Variants in CDH12 observed in about 807,000 individuals in gnomAD.
CDH12 encodes cadherin 12, also known as cadherin-12.
Under a neutral mutation model 74.1 loss-of-function variants are expected in CDH12, and 41 were observed. The ratio of observed to expected loss-of-function variants is 0.55; its 90% CI spans 0.43 to 0.72. The LOEUF (loss-of-function observed/expected upper bound fraction) is 0.72. Ranked by LOEUF, CDH12 falls within the 30% of genes least tolerant of loss-of-function variation. CDH12 has a pLI of 0.00. For missense variants in CDH12, 945 were observed against 977.2 expected, an observed-to-expected ratio of 0.97 and a Z score of 0.44; for synonymous variants, 399 against 355.0, an observed-to-expected ratio of 1.12 and a Z score of -1.39.
chr5:22,113,923 A>C (rs992098256), intron 4 of CDH12, among the ~76,000 whole-genome samples: 6 of 152,146 alleles, frequency 3.9e-5, no homozygotes, highest in African/African-American at 1.4e-4. Context: ...GACTTCAGCC[A>C]ATCAGAAGCA....
At chr5:22,053,448 C>G (rs1288092551) in intron 5 of CDH12, among the ~76,000 whole-genome samples, 1 of 151,994 alleles carries the variant, frequency 6.6e-6, no homozygotes, top group Non-Finnish European at 1.5e-5. Context: ...GCTTTATGTG[C>G]CAGGAAGCAT....
chr5:22,652,342 C>T (rs1358370034), intron 1 of CDH12, among the ~76,000 whole-genome samples: 2 of 152,048 alleles, frequency 1.3e-5, no homozygotes, highest in Admixed American at 6.6e-5. Flanking sequence ...TAAAAAGGAG[C>T]CTTGTTCTTG....
intron 11 of CDH12, among the ~76,000 whole-genome samples, chr5:21,782,104 C>T (rs1745948662): frequency 6.6e-6 from 1 of 152,076 alleles, no homozygotes; most frequent in Non-Finnish European, 1.5e-5. Flanking sequence ...ACTAGAAGCT[C>T]AAAGACAGCA....
At chr5:21,864,414 A>G (rs942873644) in intron 6 of CDH12, among the ~76,000 whole-genome samples, 1 of 152,112 alleles carries the variant, frequency 6.6e-6, no homozygotes, top group African/African-American at 2.4e-5. Context: ...AAAAAGATGG[A>G]AGAAAAGCTA....
chr5:22,747,460 CAAAA>C (rs773289338), intron 1 of CDH12, among the ~76,000 whole-genome samples: 1 of 60,514 alleles, frequency 1.7e-5, no homozygotes, highest in Non-Finnish European at 3.7e-5. Context: ...CCTGTCTGTA[CAAAA>C]AAAAAAAAAA....
intron 6 of CDH12, among the ~76,000 whole-genome samples, chr5:21,909,469 T>C (rs1480170546): frequency 6.6e-6 from 1 of 152,118 alleles, no homozygotes; most frequent in East Asian, 1.9e-4. Flanking sequence ...TGTTCATTAG[T>C]GAGAAATGTA....
intron 3 of CDH12, among the ~76,000 whole-genome samples, chr5:22,295,199 C>G (rs1212547886): frequency 1.3e-5 from 2 of 152,108 alleles, no homozygotes; most frequent in Non-Finnish European, 2.9e-5. Context: ...TTTACTTCAT[C>G]TGGTGCAACT....
intron 1 of CDH12, among the ~76,000 whole-genome samples, chr5:22,562,963 T>G (rs994493450): frequency 2.0e-5 from 3 of 147,802 alleles, no homozygotes; most frequent in South Asian, 2.1e-4. Flanking sequence ...TTTTATATAA[T>G]GCATGTTTAT....
chr5:22,191,563 TTTA>T (rs1225070192), intron 4 of CDH12, among the ~76,000 whole-genome samples: 9,411 of 32,660 alleles, frequency 0.29, 1,368 homozygotes, highest in South Asian at 0.58. Context: ...TCTTTTTATT[TTTA>T]TTTTTTTTTT....
At chr5:22,222,524 C>G (rs969228487) in intron 3 of CDH12, among the ~76,000 whole-genome samples, 1 of 151,816 alleles carries the variant, frequency 6.6e-6, no homozygotes, top group African/African-American at 2.4e-5. Flanking sequence ...CTCTTTTTCA[C>G]TTAAAGAATG....
intron 6 of CDH12, among the ~76,000 whole-genome samples, chr5:21,891,977 C>T (rs893534429): frequency 1.3e-5 from 2 of 152,118 alleles, no homozygotes; most frequent in African/African-American, 4.8e-5. Context: ...TCTCCTGAAC[C>T]TGTTCCAATA....
At chr5:22,453,278 G>A (rs1745126986) in intron 2 of CDH12, among the ~76,000 whole-genome samples, 1 of 152,068 alleles carries the variant, frequency 6.6e-6, no homozygotes, top group African/African-American at 2.4e-5. Flanking sequence ...AGAAATGTTT[G>A]TAGTCCTGTA....
At chr5:22,514,240 A>T (rs1279199105) in intron 1 of CDH12, among the ~76,000 whole-genome samples, 1 of 152,110 alleles carries the variant, frequency 6.6e-6, no homozygotes, top group Non-Finnish European at 1.5e-5. Context: ...AAGATTCCAG[A>T]TAAAATAGAA....
chr5:22,198,456 T>C (rs1750744446), intron 4 of CDH12, among the ~76,000 whole-genome samples: 1 of 152,168 alleles, frequency 6.6e-6, no homozygotes, highest in African/African-American at 2.4e-5. Context: ...TTTTCATTTT[T>C]ATGTAGGAAT....
intron 5 of CDH12, among the ~76,000 whole-genome samples, chr5:21,978,450 G>T (rs192976977): frequency 6.6e-6 from 1 of 151,946 alleles, no homozygotes; most frequent in Admixed American, 6.6e-5. Flanking sequence ...GCCCTTCTTT[G>T]TTATTTTTAT....
intron 1 of CDH12, among the ~76,000 whole-genome samples, chr5:22,648,168 A>G (rs1037036819): frequency 3.3e-5 from 5 of 151,786 alleles, no homozygotes; most frequent in South Asian, 4.1e-4. Flanking sequence ...TTGATCCTCC[A>G]AAAGCACTCC....
At chr5:22,498,744 A>G in intron 2 of CDH12, among the ~76,000 whole-genome samples, 1 of 151,924 alleles carries the variant, frequency 6.6e-6, no homozygotes. Context: ...ATAAGTTTAC[A>G]GGGTATAATA....
chr5:22,149,920 G>A (rs1230380002), intron 4 of CDH12, among the ~76,000 whole-genome samples: 1 of 152,176 alleles, frequency 6.6e-6, no homozygotes, highest in Non-Finnish European at 1.5e-5. Context: ...CTTGAACCTG[G>A]AAGGCGGAGG....
At chr5:22,434,360 C>T (rs1162501299) in intron 2 of CDH12, among the ~76,000 whole-genome samples, 3 of 152,112 alleles carry the variant, frequency 2.0e-5, no homozygotes, top group African/African-American at 7.2e-5. Context: ...ACTATTTTCA[C>T]ATCTTCAAAT....
Sources: gnomAD v4.1 joint callset for allele counts (sites outside exome capture counted in the v4.1 genomes callset) on GRCh38, gnomAD v4.1.1 for gene constraint, MANE v1.5 for transcripts, NCBI Gene and HGNC (gene_info 2026-07-23, HGNC 2026-07-21) for gene names.